The following TCF7L1 variants were observed in gnomAD, a reference collection of about 807,000 sequenced individuals.
TCF7L1 encodes transcription factor 7 like 1, also known as transcription factor 7-like 1.
A neutral mutation model predicts 63.7 loss-of-function variants in TCF7L1; 18 were observed. The observed-to-expected ratio is 0.28, with a 90% confidence interval of 0.20 to 0.42. TCF7L1 has a LOEUF of 0.42. Among genes scored for constraint, TCF7L1 ranks in the 10% least tolerant of loss-of-function variants. TCF7L1 has a pLI of 1.00. For synonymous variants in TCF7L1, 355 were observed against 340.9 expected (o/e 1.04, Z -0.46); for missense variants, 654 against 779.3 (o/e 0.84, Z 1.91).
chr2:85,189,111 G>C (rs1446551241), intron 3 of TCF7L1, among the ~76,000 whole-genome samples: 1 of 152,120 alleles, frequency 6.6e-6, no homozygotes, highest in African/African-American at 2.4e-5. Context: ...CCTCCAACTG[G>C]TGGAGGCTGC....
chr2:85,181,011 T>G (rs544490918), intron 3 of TCF7L1, among the ~76,000 whole-genome samples: 16 of 152,142 alleles, frequency 1.1e-4, no homozygotes, highest in South Asian at 2.1e-4. Context: ...AGCAGTCAAC[T>G]GTTTCTCCTC....
chr2:85,151,480 G>A (rs1392366257), intron 3 of TCF7L1, among the ~76,000 whole-genome samples: 3 of 152,090 alleles, frequency 2.0e-5, no homozygotes, highest in African/African-American at 2.4e-5. Context: ...CAGAGATACT[G>A]ATTATCTCTC....
At chr2:85,171,957 G>T in intron 3 of TCF7L1, among the ~76,000 whole-genome samples, 1 of 151,848 alleles carries the variant, frequency 6.6e-6, no homozygotes, top group East Asian at 1.9e-4. Flanking sequence ...CACATCCCGG[G>T]TTACTGCCTG....
chr2:85,163,882 G>A (rs1213524835), intron 3 of TCF7L1, among the ~76,000 whole-genome samples: 1 of 152,156 alleles, frequency 6.6e-6, no homozygotes, highest in Admixed American at 6.5e-5. Flanking sequence ...AGGGCTTACT[G>A]TAATGACCTC....
intron 3 of TCF7L1, among the ~76,000 whole-genome samples, chr2:85,177,725 AT>A (rs529475839): frequency 3.0e-4 from 45 of 152,352 alleles, no homozygotes; most frequent in African/African-American, 1.1e-3. Flanking sequence ...AAATAAAAAA[AT>A]GAAAAAAGGG....
chr2:85,138,330 C>T (rs1574074514), intron 3 of TCF7L1, among the ~76,000 whole-genome samples: 1 of 151,944 alleles, frequency 6.6e-6, no homozygotes, highest in East Asian at 1.9e-4. Context: ...TCTTTCAGAC[C>T]CAAAGGAACC....
intron 4 of TCF7L1, among the ~76,000 whole-genome samples, chr2:85,293,503 A>G (rs912056292): frequency 6.6e-6 from 1 of 152,134 alleles, no homozygotes; most frequent in Admixed American, 6.5e-5. Flanking sequence ...TGCTTTCTGT[A>G]CAGCCTGCTT....
chr2:85,219,624 A>G (rs1297864089), intron 3 of TCF7L1, among the ~76,000 whole-genome samples: 2 of 152,206 alleles, frequency 1.3e-5, no homozygotes, highest in Non-Finnish European at 2.9e-5. Flanking sequence ...TCACACCTAT[A>G]ATCCCAGCAC....
At chr2:85,222,528 G>A (rs545508858) in intron 3 of TCF7L1, among the ~76,000 whole-genome samples, 9 of 151,718 alleles carry the variant, frequency 5.9e-5, no homozygotes, top group East Asian at 3.9e-4. Flanking sequence ...AAATTAGCCC[G>A]GCACAGGGGT....
chr2:85,202,749 G>C (rs1488036486), intron 3 of TCF7L1, among the ~76,000 whole-genome samples: 3 of 152,204 alleles, frequency 2.0e-5, no homozygotes, highest in African/African-American at 7.2e-5. Flanking sequence ...TTATTGTAAT[G>C]GTGAGGCACG....
chr2:85,158,242 C>T (rs1350073694), intron 3 of TCF7L1, among the ~76,000 whole-genome samples: 4 of 152,218 alleles, frequency 2.6e-5, no homozygotes, highest in Admixed American at 6.5e-5. Context: ...CAAACCCAAA[C>T]GGACTGGTAA....
At chr2:85,181,538 C>T (rs1046098871) in intron 3 of TCF7L1, among the ~76,000 whole-genome samples, 1 of 152,106 alleles carries the variant, frequency 6.6e-6, no homozygotes, top group Non-Finnish European at 1.5e-5. Context: ...GGGTTCAGCA[C>T]ACACAGGGAA....
At chr2:85,204,298 C>T (rs547048664) in intron 3 of TCF7L1, among the ~76,000 whole-genome samples, 1 of 90,310 alleles carries the variant, frequency 1.1e-5, no homozygotes, top group African/African-American at 4.0e-5. Context: ...GCTTCCCCCC[C>T]CCCCCCCACT....
chr2:85,296,860 A>G (rs1341883650), intron 4 of TCF7L1, among the ~76,000 whole-genome samples: 1 of 152,248 alleles, frequency 6.6e-6, no homozygotes, highest in Non-Finnish European at 1.5e-5. Context: ...TTTCTAAAGA[A>G]GAGACCAAAC....
chr2:85,206,355 T>C (rs1679410243), intron 3 of TCF7L1, among the ~76,000 whole-genome samples: 1 of 152,218 alleles, frequency 6.6e-6, no homozygotes. Flanking sequence ...ACTGGGTTAG[T>C]GGTTTTATGC....
chr2:85,287,291 G>A (rs1416121860), intron 4 of TCF7L1, among the ~76,000 whole-genome samples: 1 of 152,144 alleles, frequency 6.6e-6, no homozygotes, highest in Non-Finnish European at 1.5e-5. Flanking sequence ...ATAATCAGTT[G>A]TTTGTCTTTT....
chr2:85,133,927 C>G lies in TCF7L1; in HGVS notation c.243C>G (p.Asp81Glu). 1 of 1,535,404 alleles carries G rather than the reference C, an allele frequency of 6.5e-7. No homozygotes were observed. Among genetic ancestry groups the G allele is most frequent in the Non-Finnish European group, 8.8e-7 (1 of 1,136,910 alleles). Residue 81 changes from aspartate to glutamate, a missense_variant, in exon 1 of 12, where the codon GAC (aspartate) becomes GAG (glutamate). Transcript: ENST00000282111. This position sits in a 1 kb window ranked among gnomAD's most constrained non-coding sequence, Gnocchi z 4.4. ...CGGAGAACCAGAGCAGCAGCTCGGA[C>G]TCGGAGGTAAGGAAGCACCGCGGCC... ...NESENQSSSS[D>E]SEAERRPQPV...
At chr2:85,147,436 C>G (rs959262322) in intron 3 of TCF7L1, among the ~76,000 whole-genome samples, 6 of 152,150 alleles carry the variant, frequency 3.9e-5, no homozygotes, top group Admixed American at 6.5e-5. Flanking sequence ...GGAACCCAAA[C>G]CCCAGCACCT....
At position 85,193,821 on chromosome 2, in the gene TCF7L1, G is replaced by T. The variant is rs145945193; in HGVS notation, c.441+59371G>T. 9.0e-3 allele frequency among the ~76,000 whole-genome samples: 1,377 copies of T among 152,270 alleles called. 19 individuals are homozygous for T. Among genetic ancestry groups the T allele is most frequent in the African/African-American group, 0.031 (1,299 of 41,548 alleles). The stretch of plus-strand genomic sequence containing the variant: ...TGTGCATCTTACTCTAAAATGGTTT[G>T]GGGAAAAATGCATATAGAGAGAGAG... On this transcript the variant is annotated intron_variant, in intron 3 of 11. Coordinates refer to ENST00000282111, the MANE Select transcript of TCF7L1 (RefSeq NM_031283.3).
Sources: gnomAD v4.1 joint callset for allele counts (sites outside exome capture counted in the v4.1 genomes callset) on GRCh38, gnomAD v4.1.1 for gene constraint, Gnocchi (gnomAD v3.1) non-coding constraint, MANE v1.5 for transcripts, NCBI Gene and HGNC (gene_info 2026-07-23, HGNC 2026-07-21) for gene names.